The following CHIC2 variants were observed in gnomAD, a reference collection of about 807,000 sequenced individuals.
The protein encoded by CHIC2 is cysteine-rich hydrophobic domain-containing protein 2.
A neutral mutation model predicts 25.9 loss-of-function variants in CHIC2; 14 were observed. That is an observed-to-expected ratio of 0.54 (90% CI 0.36 to 0.85). The LOEUF is 0.85. CHIC2 is among the 40% of genes least tolerant of loss of function. The pLI is 0.01. For missense variants in CHIC2, 146 were observed against 202.0 expected (o/e 0.72, Z 1.68); for synonymous variants, 70 against 72.0 (o/e 0.97, Z 0.14).
At chr4:54,079,444 G>T in the CHIC2 span, among the ~76,000 whole-genome samples, 1 of 151,884 alleles carries the variant, frequency 6.6e-6, no homozygotes, top group East Asian at 1.9e-4. Context: ...AAAAGCTTCT[G>T]CACAGCAAAG....
intron 1 of CHIC2, 81 bp from the exon 2 acceptor site, chr4:54,049,386 CAATAG>C (rs2110085545): frequency 3.7e-6 from 3 of 821,526 alleles, no homozygotes; most frequent in South Asian, 4.3e-5. Flanking sequence ...AAGGTCAAGT[CAATAG>C]AAAGCATTTT....
At chr4:54,089,215 A>G in the CHIC2 span, among the ~76,000 whole-genome samples, 6 of 152,248 alleles carry the variant, frequency 3.9e-5, no homozygotes, top group African/African-American at 1.4e-4. Context: ...AAGAACCTAG[A>G]TCTGCAATCG....
chr4:54,058,179 A>C (rs1448468454), intron 1 of CHIC2, among the ~76,000 whole-genome samples: 2 of 152,222 alleles, frequency 1.3e-5, no homozygotes, highest in African/African-American at 4.8e-5. Context: ...AAAATGGTAA[A>C]GAATAACCAA....
chr4:54,055,975 A>G (rs919106525), intron 1 of CHIC2, among the ~76,000 whole-genome samples: 2 of 152,194 alleles, frequency 1.3e-5, no homozygotes, highest in African/African-American at 4.8e-5. Context: ...CACATTCTGA[A>G]CAATATTTGA....
intron 3 of CHIC2, among the ~76,000 whole-genome samples, chr4:54,020,849 C>T (rs1212817744): frequency 6.6e-6 from 1 of 152,182 alleles, no homozygotes; most frequent in African/African-American, 2.4e-5. Context: ...GAGACGCCTG[C>T]CTGATTATTC....
the CHIC2 span, among the ~76,000 whole-genome samples, chr4:54,084,241 G>T: frequency 2.6e-5 from 4 of 152,072 alleles, no homozygotes; most frequent in African/African-American, 9.7e-5. Context: ...AGTAAATAAT[G>T]GTGAATTAAA....
In CHIC2 at chr4:54,013,876, C is replaced by G; in HGVS notation, c.408G>C (p.Leu136=). 1 of 1,613,398 alleles carries G rather than the reference C, an allele frequency of 6.2e-7. No homozygotes were observed. Among genetic ancestry groups the G allele is most frequent in the Non-Finnish European group, 8.5e-7 (1 of 1,179,522 alleles). The part of the protein sequence containing the change: ...LYHKLCLHWR[L]SKRKCETNNM... ...TATTCGTTTCACATTTCCTTTTGCT[C>G]AGTCTCCAATGCAAGCACAGCTAGA... The change falls in exon 5 of 6, where the codon CTG becomes CTC. Residue 136 remains leucine, a synonymous_variant. Transcript: ENST00000263921.
At chr4:54,040,637 G>A (rs752797612) in intron 3 of CHIC2, among the ~76,000 whole-genome samples, 2 of 147,386 alleles carry the variant, frequency 1.4e-5, no homozygotes, top group Non-Finnish European at 3.0e-5. Flanking sequence ...GGAGGTGTAG[G>A]TTGTGATGAG....
intron 3 of CHIC2, among the ~76,000 whole-genome samples, chr4:54,029,515 G>A (rs189684308): frequency 1.3e-5 from 2 of 152,248 alleles, no homozygotes; most frequent in East Asian, 3.9e-4. Flanking sequence ...AATAACAACA[G>A]CAGTTATAAG....
the CHIC2 span, among the ~76,000 whole-genome samples, chr4:54,082,528 T>A: frequency 1.3e-5 from 2 of 152,208 alleles, no homozygotes; most frequent in Non-Finnish European, 2.9e-5. Flanking sequence ...ATTTCCCTAC[T>A]CCACTCTATT....
chr4:54,062,006 T>C (rs1405066110), intron 1 of CHIC2, among the ~76,000 whole-genome samples: 1 of 152,202 alleles, frequency 6.6e-6, no homozygotes, highest in African/African-American at 2.4e-5. Flanking sequence ...CTAGTATCTA[T>C]TGAACATAGT....
At chr4:54,032,319 G>T (rs1324690131) in intron 3 of CHIC2, among the ~76,000 whole-genome samples, 1 of 117,030 alleles carries the variant, frequency 8.5e-6, no homozygotes, top group Non-Finnish European at 1.6e-5. Context: ...ATGCCGAGCC[G>T]AAGCTGGACT....
intron 3 of CHIC2, among the ~76,000 whole-genome samples, chr4:54,031,320 C>A (rs1179862594): frequency 2.0e-5 from 3 of 152,040 alleles, no homozygotes; most frequent in Non-Finnish European, 4.4e-5. Context: ...TTCTAAAAGG[C>A]AAGATGCTTC....
At position 54,009,923 on chromosome 4, in the gene CHIC2, C is replaced by T; in HGVS notation, c.*172G>A. 2 of 418,710 alleles carry T rather than the reference C, an allele frequency of 4.8e-6. No individual in the cohort carries two copies. The highest frequency in any genetic ancestry group is 4.3e-6 in the Non-Finnish European group (1 of 234,128). 25.9% of individuals were successfully genotyped at this position (418,710 alleles called of 1,614,324 possible). On this transcript the variant is annotated 3_prime_UTR_variant, in exon 6 of 6. Coordinates refer to ENST00000263921, the MANE Select transcript of CHIC2 (RefSeq NM_012110.4). ...ATGAAATAACTGTTGCAAAGATTGA[C>T]AAAAATGCACACTTAGAACATGCGG... is the stretch of plus-strand genomic sequence containing the variant.
chr4:54,024,972 A>T (rs1231868261), intron 3 of CHIC2, among the ~76,000 whole-genome samples: 2 of 151,978 alleles, frequency 1.3e-5, no homozygotes, highest in African/African-American at 2.4e-5. Context: ...CTAGGTTCCC[A>T]CGCCGCCCCT....
At chr4:54,053,624 A>G (rs1717076846) in intron 1 of CHIC2, among the ~76,000 whole-genome samples, 1 of 152,040 alleles carries the variant, frequency 6.6e-6, no homozygotes. Context: ...GAAATGTATC[A>G]AGAGAAAATA....
At chr4:54,056,829 T>C (rs1003422327) in intron 1 of CHIC2, among the ~76,000 whole-genome samples, 1 of 152,164 alleles carries the variant, frequency 6.6e-6, no homozygotes, top group African/African-American at 2.4e-5. Flanking sequence ...TCCTCAAATC[T>C]AATGAATCAT....
intron 3 of CHIC2, among the ~76,000 whole-genome samples, chr4:54,036,814 GC>G: frequency 8.1e-6 from 1 of 124,202 alleles, no homozygotes; most frequent in Non-Finnish European, 1.7e-5. Context: ...AGGAAAGGAA[GC>G]TAAACATACA....
intron 1 of CHIC2, among the ~76,000 whole-genome samples, chr4:54,057,038 G>C (rs536235972): frequency 1.1e-4 from 17 of 152,214 alleles, no homozygotes; most frequent in African/African-American, 3.9e-4. Flanking sequence ...TGAACAGTAA[G>C]GGTAGCCAGT....
Sources: gnomAD v4.1 joint callset for allele counts (sites outside exome capture counted in the v4.1 genomes callset) on GRCh38, gnomAD v4.1.1 for gene constraint, MANE v1.5 for transcripts, NCBI Gene and HGNC (gene_info 2026-07-23, HGNC 2026-07-21) for gene names.